Variants in ATP7A observed in about 807,000 individuals in gnomAD.
The protein encoded by ATP7A is copper-transporting ATPase 1.
A neutral mutation model predicts 83.5 loss-of-function variants in ATP7A; 7 were observed. The observed-to-expected ratio is 0.08, with a 90% CI of 0.05 to 0.16. The LOEUF (loss-of-function observed/expected upper bound fraction) is 0.16. ATP7A is among the 10% of genes least tolerant of loss of function. The pLI, the probability that ATP7A is intolerant of heterozygous loss-of-function variation, is 1.00. For missense variants in ATP7A, 940 were observed against 1,120.8 expected, an observed-to-expected ratio of 0.84 and a Z score of 2.30; for synonymous variants, 354 against 395.2, an observed-to-expected ratio of 0.90 and a Z score of 1.24.
At position 78,040,720 on chromosome X, in the gene ATP7A, C is replaced by G. The variant is rs372066609; in HGVS notation, c.3788C>G (p.Ser1263Cys). The G allele has an allele frequency of 7.4e-6, 9 of 1,210,410 alleles. No homozygotes were observed. Among genetic ancestry groups the G allele is most frequent in the Non-Finnish European group, 1.0e-5 (9 of 894,425 alleles). Residue 1263 changes from serine (S) to cysteine (C), a missense_variant, in exon 19 of 23, where the codon TCT becomes TGT. By Grantham distance (112) the Ser-to-Cys change is moderately radical. Transcript: ENST00000341514. Reference sequence around the variant, plus strand: ...GGAGACAACAGTAAAACAGCTAGATCTATTGCTTCTCAGGTAATTGATAGG... The same window carrying G: ...GGAGACAACAGTAAAACAGCTAGATGTATTGCTTCTCAGGTAATTGATAGG... ...MTGDNSKTAR[S>C]IASQVGITKV...
intron 1 of ATP7A, among the ~76,000 whole-genome samples, chrX:77,957,293 A>G (rs1210144793): frequency 9.0e-6 from 1 of 110,664 alleles, no homozygotes; most frequent in Non-Finnish European, 1.9e-5. Context: ...GGTTTGTTAC[A>G]TATGTATACA....
intron 20 of ATP7A, 146 bp from the exon 21 acceptor site, chrX:78,043,171 C>G: frequency 1.8e-6 from 1 of 561,599 alleles, no homozygotes; most frequent in Non-Finnish European, 2.9e-6. Flanking sequence ...GAAGCTGAGT[C>G]TAAGTTTTAG....
chrX:78,017,927 C>G (rs1268130040), intron 12 of ATP7A, among the ~76,000 whole-genome samples: 1 of 107,795 alleles, frequency 9.3e-6, no homozygotes, highest in African/African-American at 3.4e-5. Context: ...AGGCACCCGC[C>G]ACCACGCCTG....
At chrX:77,980,224 C>T (rs1475768719) in intron 2 of ATP7A, among the ~76,000 whole-genome samples, 2 of 111,284 alleles carry the variant, frequency 1.8e-5, no homozygotes, top group East Asian at 5.6e-4. Context: ...GACCACCTCA[C>T]GGATCACGAG....
At chrX:78,043,781 C>T (rs1557238746) in intron 21 of ATP7A, among the ~76,000 whole-genome samples, 1 of 104,491 alleles carries the variant, frequency 9.6e-6, no homozygotes, top group African/African-American at 3.5e-5. Context: ...CCTCAGCCTC[C>T]TGAGTAACTG....
chrX:77,952,648 A>G (rs1436937600), intron 1 of ATP7A, among the ~76,000 whole-genome samples: 2 of 111,614 alleles, frequency 1.8e-5, no homozygotes, highest in African/African-American at 3.3e-5. Context: ...TTTAGTAATG[A>G]CTTTTATAAA....
chrX:78,042,116 CA>C (rs1156427861), intron 19 of ATP7A, among the ~76,000 whole-genome samples: 7,482 of 51,755 alleles, frequency 0.14, 378 homozygotes, highest in African/African-American at 0.27. Flanking sequence ...GACTCTGTCT[CA>C]AAAAAAAAAA....
Position 78,011,489 on chromosome X carries a change from C to A in ATP7A, c.1987C>A (p.Pro663Thr). 8.3e-7 allele frequency: 1 copy of A among 1,210,082 alleles called. No homozygotes were observed. The highest frequency in any genetic ancestry group is 1.1e-6 in the Non-Finnish European group (1 of 894,914). The change falls in exon 9 of 23, where the codon CCT (proline) becomes ACT (threonine). Residue 663 changes from proline to threonine, a missense_variant. By Grantham distance (38) the Pro-to-Thr change is conservative. Transcript: ENST00000341514. ...TCTTGTGAGTCTGTTTTTCTGTATTCCTGTAATGGGGCTGATGATATATAT... is the reference window on the plus strand; with the variant it reads ...TCTTGTGAGTCTGTTTTTCTGTATTACTGTAATGGGGCTGATGATATATAT... ...SFLVSLFFCI[P>T]VMGLMIYMMV...
In ATP7A at chrX:78,048,879, G is replaced by A. The variant is rs1181796896; in HGVS notation, c.*2309G>A. On this transcript the variant is annotated 3_prime_UTR_variant, in exon 23 of 23. Coordinates refer to ENST00000341514, the MANE Select transcript of ATP7A (RefSeq NM_000052.7). Reference sequence around the variant, plus strand: ...TCCCTCCCACCCACCTCAAGCAGTTGAACACAGCCAGTTATTCTTCCATTA... The same window carrying A: ...TCCCTCCCACCCACCTCAAGCAGTTAAACACAGCCAGTTATTCTTCCATTA... 1 of 111,100 alleles carries A rather than the reference G, an allele frequency of 9.0e-6. No individual in the cohort carries two copies. The highest frequency in any genetic ancestry group is 1.9e-5 in the Non-Finnish European group (1 of 53,014). 9.2% of individuals were successfully genotyped at this position (111,100 alleles called of 1,213,427 possible). A position where few individuals can be genotyped will look rare whatever the true frequency, so the allele number is the denominator to read the frequency against.
intron 5 of ATP7A, among the ~76,000 whole-genome samples, chrX:77,999,368 C>A (rs1469765226): frequency 9.0e-6 from 1 of 111,358 alleles, no homozygotes. Flanking sequence ...ATTACTATAC[C>A]CAGACCAAGC....
intron 1 of ATP7A, among the ~76,000 whole-genome samples, chrX:77,967,812 A>G (rs1217149056): frequency 8.9e-6 from 1 of 112,105 alleles, no homozygotes; most frequent in African/African-American, 3.2e-5. Flanking sequence ...CTAATTGTTC[A>G]AAGCTCCACA....
At chrX:77,976,198 G>A (rs1173596105) in intron 2 of ATP7A, among the ~76,000 whole-genome samples, 1 of 112,131 alleles carries the variant, frequency 8.9e-6, no homozygotes, top group African/African-American at 3.2e-5. Flanking sequence ...GGACAAGATG[G>A]ATTCTTTCTA....
At chrX:77,965,352 G>A (rs781832341) in intron 1 of ATP7A, 15 of 312,831 alleles carry the variant, frequency 4.8e-5, no homozygotes, top group South Asian at 3.9e-4. Flanking sequence ...TTAAAAATTG[G>A]GTAGAGTGCT....
At chrX:77,981,107 A>G (rs1476613598) in intron 2 of ATP7A, among the ~76,000 whole-genome samples, 1 of 111,871 alleles carries the variant, frequency 8.9e-6, no homozygotes, top group Non-Finnish European at 1.9e-5. Context: ...ATTGTTCCAC[A>G]TCAATATACA....
chrX:77,925,004 T>A (rs1557223451), intron 1 of ATP7A, among the ~76,000 whole-genome samples: 1 of 111,564 alleles, frequency 9.0e-6, no homozygotes, highest in African/African-American at 3.3e-5. Flanking sequence ...CCTAAATCTT[T>A]AAAACAGGAC....
chrX:77,991,111 A>C (rs1402519406), intron 4 of ATP7A, among the ~76,000 whole-genome samples: 1 of 111,906 alleles, frequency 8.9e-6, no homozygotes, highest in East Asian at 2.8e-4. Flanking sequence ...TACACAACCC[A>C]GTGGTTGTTA....
At chrX:77,985,404 G>A (rs2077630139) in intron 2 of ATP7A, among the ~76,000 whole-genome samples, 1 of 105,941 alleles carries the variant, frequency 9.4e-6, no homozygotes, top group East Asian at 3.2e-4. Flanking sequence ...GGTGGGTGCG[G>A]GGGAACCAGG....
intron 4 of ATP7A, among the ~76,000 whole-genome samples, chrX:77,997,841 CAT>C (rs1231295391): frequency 2.7e-5 from 3 of 110,210 alleles, no homozygotes; most frequent in African/African-American, 9.9e-5. Context: ...TGTCCACAGA[CAT>C]ATTAAAATTT....
Position 78,047,418 on chromosome X carries a change from G to GATA in ATP7A, c.*848_*849insATA, listed in dbSNP as rs1423395498. ...TCACTCCTGCCAAGTTGGACTCTAAGTTATTCTTCATGTAGTCTGCTGATC... is the reference window on the plus strand; with the variant it reads ...TCACTCCTGCCAAGTTGGACTCTAAGATATTATTCTTCATGTAGTCTGCTGATC... On this transcript the variant is annotated 3_prime_UTR_variant, in exon 23 of 23. Transcript: ENST00000341514. 8.9e-6 allele frequency: 1 copy of GATA among 112,069 alleles called. No individual in the cohort carries two copies. The highest frequency in any genetic ancestry group is 1.9e-5 in the Non-Finnish European group (1 of 53,252). The allele number at this position is 112,069 out of a possible 1,213,427, so 9.2% of individuals were successfully genotyped here.
Sources: allele counts gnomAD v4.1 joint callset (sites outside exome capture counted in the v4.1 genomes callset), GRCh38; gene constraint gnomAD v4.1.1; transcripts MANE v1.5; gene names NCBI Gene and HGNC (gene_info 2026-07-23, HGNC 2026-07-21).